The following MAEA variants were observed in gnomAD, a reference collection of about 807,000 sequenced individuals.
MAEA encodes E3 ubiquitin-protein transferase MAEA.
In MAEA, 22 loss-of-function variants were observed where a neutral mutation model predicts 46.2. The observed-to-expected ratio is 0.48, with a 90% CI of 0.34 to 0.68. The LOEUF is 0.68. Ranked by LOEUF, MAEA falls within the 30% of genes least tolerant of loss-of-function variation. The pLI is 0.01. For synonymous variants in MAEA, 246 were observed against 222.6 expected, an observed-to-expected ratio of 1.11 and a Z score of -0.94; for missense variants, 393 against 558.1, an observed-to-expected ratio of 0.70 and a Z score of 2.98.
intron 1 of MAEA, among the ~76,000 whole-genome samples, chr4:1,301,690 C>T (rs6599296): frequency 2.6e-5 from 4 of 151,926 alleles, no homozygotes; most frequent in South Asian, 2.1e-4. Context: ...AGCAGAGTGA[C>T]GCCCTATATG....
At chr4:1,315,725 C>T (rs1370319946) in intron 3 of MAEA, 125 bp downstream of exon 3, 214 of 732,582 alleles carry the variant, frequency 2.9e-4, no homozygotes, top group Non-Finnish European at 4.1e-4. Flanking sequence ...CCCCCACCCC[C>T]GTATGCTTGT....
At chr4:1,318,180 T>G (rs1053848264) in intron 3 of MAEA, among the ~76,000 whole-genome samples, 4 of 151,276 alleles carry the variant, frequency 2.6e-5, no homozygotes. Context: ...CGGCCCCCCG[T>G]GTGTTCATAG....
intron 1 of MAEA, among the ~76,000 whole-genome samples, chr4:1,297,770 G>A (rs1048411138): frequency 1.3e-5 from 2 of 152,226 alleles, no homozygotes; most frequent in African/African-American, 4.8e-5. Flanking sequence ...TCCCCCGTCT[G>A]TCTGGGAAAT....
intron 1 of MAEA, among the ~76,000 whole-genome samples, chr4:1,298,806 C>T (rs944179296): frequency 3.3e-5 from 5 of 152,158 alleles, no homozygotes; most frequent in Non-Finnish European, 7.3e-5. Context: ...CTTCCCAACC[C>T]CAGAGCCCTG....
At chr4:1,335,008 ACCTCC>A in intron 6 of MAEA, 1 of 984,904 alleles carries the variant, frequency 1.0e-6, no homozygotes, top group Non-Finnish European at 1.2e-6. Flanking sequence ...CCTGATGACC[ACCTCC>A]CCTCCCTCCA....
intron 1 of MAEA, among the ~76,000 whole-genome samples, chr4:1,292,367 G>A (rs1166803402): frequency 1.3e-5 from 2 of 152,140 alleles, no homozygotes; most frequent in African/African-American, 2.4e-5. Flanking sequence ...GCGTCAGGGC[G>A]GCTGGTGGGG....
intron 5 of MAEA, chr4:1,330,328 C>CTCTCTCTCTCTCTCTCTCTCT (rs1577226687): frequency 5.8e-4 from 93 of 159,424 alleles, no homozygotes; most frequent in Middle Eastern, 3.2e-3. Context: ...CTCTCTCTTT[C>CTCTCTCTCTCTCTCTCTCTCT]CGTGTGTGTG....
chr4:1,336,833 C>T, intron 6 of MAEA, 28 bp from the exon 7 acceptor site: 1 of 1,608,102 alleles, frequency 6.2e-7, no homozygotes, highest in Admixed American at 1.7e-5. Flanking sequence ...GGGAGCATCC[C>T]CAGGACCCTC....
At chr4:1,306,472 G>T (rs189532191) in intron 1 of MAEA, among the ~76,000 whole-genome samples, 1 of 152,110 alleles carries the variant, frequency 6.6e-6, no homozygotes, top group South Asian at 2.1e-4. Flanking sequence ...CCGAGATCAC[G>T]CTATTGCACT....
chr4:1,294,804 G>A (rs1391545302), intron 1 of MAEA, among the ~76,000 whole-genome samples: 1 of 148,196 alleles, frequency 6.7e-6, no homozygotes, highest in East Asian at 2.0e-4. Flanking sequence ...GACGGGGGTG[G>A]GGCCGGGGGC....
chr4:1,321,882 T>G (rs573249389), intron 3 of MAEA, among the ~76,000 whole-genome samples: 6 of 152,078 alleles, frequency 3.9e-5, no homozygotes, highest in African/African-American at 1.4e-4. Flanking sequence ...TGTTTTTTTT[T>G]TTTTTCTTTG....
At chr4:1,329,297 G>A (rs1388703612) in intron 5 of MAEA, 1 of 982,622 alleles carries the variant, frequency 1.0e-6, no homozygotes, top group Non-Finnish European at 1.2e-6. Flanking sequence ...GGGTCTCTTT[G>A]CCTGTGTTCC....
intron 1 of MAEA, among the ~76,000 whole-genome samples, chr4:1,307,902 G>T (rs528245686): frequency 6.6e-6 from 1 of 152,174 alleles, no homozygotes; most frequent in Admixed American, 6.5e-5. Flanking sequence ...GTCTCCTCTG[G>T]AAACACCCGC....
chr4:1,300,148 T>C (rs1376997589), intron 1 of MAEA, among the ~76,000 whole-genome samples: 2 of 152,070 alleles, frequency 1.3e-5, no homozygotes, highest in African/African-American at 4.8e-5. Flanking sequence ...CCATTCACCA[T>C]AACCCAAAGC....
At chr4:1,302,010 CTT>C (rs1196771369) in intron 1 of MAEA, among the ~76,000 whole-genome samples, 6 of 152,342 alleles carry the variant, frequency 3.9e-5, no homozygotes, top group African/African-American at 1.4e-4. Flanking sequence ...GCCAGTATAA[CTT>C]TGATATAACC....
chr4:1,320,287 GAAATC>G (rs1192848240), intron 3 of MAEA, among the ~76,000 whole-genome samples: 1 of 133,850 alleles, frequency 7.5e-6, no homozygotes, highest in African/African-American at 2.9e-5. Flanking sequence ...CTTCAGAAAA[GAAATC>G]AAAGCAAACG....
intron 1 of MAEA, among the ~76,000 whole-genome samples, chr4:1,291,744 C>G (rs1438324566): frequency 6.6e-6 from 1 of 152,116 alleles, no homozygotes; most frequent in Non-Finnish European, 1.5e-5. Flanking sequence ...TGGAAGGTCT[C>G]CGGAAAGGAT....
chr4:1,334,666 C>T (rs1432985048), intron 6 of MAEA, among the ~76,000 whole-genome samples: 4 of 152,228 alleles, frequency 2.6e-5, no homozygotes, highest in Admixed American at 2.6e-4. Flanking sequence ...CCCCAAGGCT[C>T]ATCTGTTGCC....
At chr4:1,297,405 C>T (rs181111818) in intron 1 of MAEA, among the ~76,000 whole-genome samples, 71 of 130,366 alleles carry the variant, frequency 5.4e-4, no homozygotes, top group South Asian at 1.0e-3. Context: ...GCTCATTCCC[C>T]AGAGCACGGG....
Sources: gnomAD v4.1 joint callset for allele counts (sites outside exome capture counted in the v4.1 genomes callset) on GRCh38, gnomAD v4.1.1 for gene constraint, MANE v1.5 for transcripts, NCBI Gene and HGNC (gene_info 2026-07-23, HGNC 2026-07-21) for gene names.